CCM2L: variants seen among roughly 807,000 people sequenced by gnomAD.
CCM2L encodes cerebral cavernous malformations 2 protein-like.
CCM2L carries 36 observed loss-of-function variants against 54.1 expected under a neutral mutation model. The observed-to-expected ratio is 0.67, with a 90% CI of 0.51 to 0.88. The LOEUF (loss-of-function observed/expected upper bound fraction) is 0.88, where lower values mean the gene tolerates loss of function less well. CCM2L is among the 40% of genes least tolerant of loss of function. The pLI is 0.00. For synonymous variants in CCM2L, 351 were observed against 359.3 expected (o/e 0.98, Z 0.26); for missense variants, 700 against 812.1 (o/e 0.86, Z 1.68).
rs2064771909 is a variant in CCM2L, at chr20:32,019,040, G to T, written c.564G>T (p.Arg188=). 1.5e-6 allele frequency: 2 copies of T among 1,311,456 alleles called. No individual in the cohort carries two copies. Among genetic ancestry groups the T allele is most frequent in the East Asian group, 3.2e-5 (1 of 31,338 alleles). 81.2% of individuals were successfully genotyped at this position (1,311,456 alleles called of 1,614,324 possible). Residue 188 remains arginine (R), a synonymous_variant, in exon 5 of 10, where the codon CGG becomes CGT. Coordinates refer to ENST00000452892, the MANE Select transcript of CCM2L (RefSeq NM_001365692.1). The stretch of plus-strand genomic sequence containing the variant: ...CAGGCGGGGCGCCCGAGAAGCGGCG[G>T]GTGGGCACCGCGGAGCGGCGCCACA... ...GPPGGAPEKR[R]VGTAERRHTI... is the part of the protein sequence containing the mutation.
chr20:32,029,012 C>A lies in CCM2L; in HGVS notation c.1151C>A (p.Thr384Asn). 1 of 1,614,150 alleles carries A rather than the reference C, an allele frequency of 6.2e-7. No homozygotes were observed. The highest frequency in any genetic ancestry group is 1.7e-4 in the Middle Eastern group (1 of 6,060). The change falls in exon 8 of 10, where the codon ACC becomes AAC. Residue 384 changes from threonine to asparagine, a missense_variant. Transcript: ENST00000452892. ...CCSSFNGSQDTFEACYSGTST... is the reference protein window; with the variant it reads ...CCSSFNGSQDNFEACYSGTST... ...GCCTGCAGTAATGGCTCCCAGGACA[C>A]CTTTGAAGCATGTTACAGCGGCACG...
chr20:32,015,920 G>C (rs1037220721), intron 2 of CCM2L, among the ~76,000 whole-genome samples: 1 of 147,084 alleles, frequency 6.8e-6, no homozygotes, highest in African/African-American at 2.6e-5. Context: ...GCAGTGGCAC[G>C]ATCTTGGCTC....
At position 32,018,009 on chromosome 20, in the gene CCM2L, G is replaced by A; in HGVS notation, c.313G>A (p.Ala105Thr). The A allele has an allele frequency of 1.2e-6, 2 of 1,613,850 alleles. No individual in the cohort carries two copies. Among genetic ancestry groups the A allele is most frequent in the Non-Finnish European group, 1.7e-6 (2 of 1,179,984 alleles). The change falls in exon 4 of 10, where the codon GCG becomes ACG. Residue 105 changes from alanine (A) to threonine (T), a missense_variant. Coordinates refer to ENST00000452892, the MANE Select transcript of CCM2L (RefSeq NM_001365692.1). ...GAAGGAGCTGCCGCTGAAGACCACGGCGGAGCAGGACAGCATCCTGAGCCT... is the reference window on the plus strand; with the variant it reads ...GAAGGAGCTGCCGCTGAAGACCACGACGGAGCAGGACAGCATCCTGAGCCT... ...QLKELPLKTTAEQDSILSLSA... is the reference protein window; with the variant it reads ...QLKELPLKTTTEQDSILSLSA...
intron 2 of CCM2L, among the ~76,000 whole-genome samples, chr20:32,017,077 G>A (rs1487182417): frequency 1.3e-5 from 2 of 152,186 alleles, no homozygotes; most frequent in African/African-American, 4.8e-5. Context: ...GAACCCGGGA[G>A]GCAGAGCTTG....
chr20:32,030,939 C>G, intron 9 of CCM2L, 62 bp from the exon 10 acceptor site: 1 of 1,277,050 alleles, frequency 7.8e-7, no homozygotes, highest in Non-Finnish European at 1.0e-6. Flanking sequence ...AGAGAGGACG[C>G]TTCCCCTGTG....
At chr20:32,012,326 G>A (rs553256569) in intron 1 of CCM2L, among the ~76,000 whole-genome samples, 1 of 152,240 alleles carries the variant, frequency 6.6e-6, no homozygotes, top group East Asian at 1.9e-4. Context: ...GGGAGGCTGA[G>A]GCAGGAGGAT....
chr20:32,011,972 C>T (rs1364265958), intron 1 of CCM2L, among the ~76,000 whole-genome samples: 1 of 151,834 alleles, frequency 6.6e-6, no homozygotes, highest in Non-Finnish European at 1.5e-5. Flanking sequence ...ATATGTTCGT[C>T]TCATAATCTA....
At position 32,030,984 on chromosome 20, in the gene CCM2L, T is replaced by C. The variant is rs6061112; in HGVS notation, c.1403-17T>C. 0.18 allele frequency: 238,791 copies of C among 1,303,328 alleles called. 30,149 individuals are homozygous for C. Among genetic ancestry groups the C allele is most frequent in the African/African-American group, 0.64 (41,987 of 65,802 alleles). 80.7% of individuals were successfully genotyped at this position (1,303,328 alleles called of 1,614,324 possible). A position where few individuals can be genotyped will look rare whatever the true frequency, so the allele number is the denominator to read the frequency against. On this transcript the variant is annotated splice_polypyrimidine_tract_variant and intron_variant, in intron 9 of 9. Coordinates refer to ENST00000452892, the MANE Select transcript of CCM2L (RefSeq NM_001365692.1). ...GGGAACGTGTCCTGGGGACTCACCA[T>C]GCCCCTCGGCTCGCAGGGATGCGGC... is the stretch of plus-strand genomic sequence containing the variant.
chr20:32,031,287 C>T lies in CCM2L; in HGVS notation c.1689C>T (p.Ser563=). Residue 563 remains serine (S), a synonymous_variant, in exon 10 of 10, where the codon AGC becomes AGT. Transcript: ENST00000452892. ...AGCCCCGGGGCTCCAGGGGCGGGAGCGACGCCGCAGAAGACAACTACCTGT... is the reference window on the plus strand; with the variant it reads ...AGCCCCGGGGCTCCAGGGGCGGGAGTGACGCCGCAGAAGACAACTACCTGT... ...EDEPRGSRGG[S]DAAEDNYL is the part of the protein sequence containing the mutation. 1.6e-6 allele frequency: 2 copies of T among 1,288,566 alleles called. No individual in the cohort carries two copies. The allele number at this position is 1,288,566 out of a possible 1,614,324, so 79.8% of individuals were successfully genotyped here.
intron 5 of CCM2L, among the ~76,000 whole-genome samples, chr20:32,020,130 C>T (rs2064789454): frequency 6.6e-6 from 1 of 152,170 alleles, no homozygotes; most frequent in South Asian, 2.1e-4. Context: ...TGGTGTCCAC[C>T]CTTAGGGAGC....
At chr20:32,011,904 A>G (rs2064698376) in intron 1 of CCM2L, among the ~76,000 whole-genome samples, 1 of 151,198 alleles carries the variant, frequency 6.6e-6, no homozygotes, top group African/African-American at 2.4e-5. Flanking sequence ...ACCCCTCCCC[A>G]CCCCTAATAC....
chr20:32,019,094 G>A lies in CCM2L; in HGVS notation c.618G>A (p.Gly206=), dbSNP rs190244994. 34,349 of 1,188,414 alleles carry A rather than the reference G, an allele frequency of 0.029. 615 individuals carry two copies. The highest frequency in any genetic ancestry group is 0.085 in the Admixed American group (1,878 of 22,076). 73.6% of individuals were successfully genotyped at this position (1,188,414 alleles called of 1,614,324 possible). The change falls in exon 5 of 10, where the codon GGG becomes GGA. Residue 206 remains glycine (G), a synonymous_variant. Transcript: ENST00000452892. ...TCTGCAGCCTGGACTGGCGGATGGGGTGGGGTGGGGGCGCCGCGGAGGCCC... is the reference window on the plus strand; with the variant it reads ...TCTGCAGCCTGGACTGGCGGATGGGATGGGGTGGGGGCGCCGCGGAGGCCC... ...HTICSLDWRM[G]WGGGAAEARA...
chr20:32,014,950 GC>G lies in CCM2L; in HGVS notation c.79del (p.Arg27GlyfsTer8), dbSNP rs1568909850. ...IRRLVFPKAGRRAACRSSVSR... is the reference protein window; with the variant it reads ...IRRLVFPKAGXRAACRSSVSR... ...AGGCTGGTGTTCCCCAAGGCCGGGCGCCGGGCAGCCTGTAGGAGCAGCGTGA... is the reference window on the plus strand; with the variant it reads ...AGGCTGGTGTTCCCCAAGGCCGGGCGCGGGCAGCCTGTAGGAGCAGCGTGA... On this transcript the variant is annotated frameshift_variant, in exon 2 of 10. Transcript: ENST00000452892. LOFTEE classifies it high-confidence loss of function. The G allele has an allele frequency of 6.2e-7, 1 of 1,600,966 alleles. No homozygotes were observed. Among genetic ancestry groups the G allele is most frequent in the African/African-American group, 1.4e-5 (1 of 73,684 alleles).
rs755993290 is a variant in CCM2L, at chr20:32,012,016, G to A, written c.30+1532G>A. 1.3e-5 allele frequency among the ~76,000 whole-genome samples: 2 copies of A among 151,474 alleles called. 1 individual carries two copies. Among genetic ancestry groups the A allele is most frequent in the South Asian group, 4.2e-4 (2 of 4,774 alleles). ...AGACTGACTGCACACAGCTTCTCCA[G>A]GCTCACCCTCATCCAGCCTTTGAGG... On this transcript the variant is annotated intron_variant, in intron 1 of 9. Transcript: ENST00000452892.
rs749268099 is a variant in CCM2L, at chr20:32,019,232, A to AGGC, written c.776_778dup (p.Gly259dup). 260 of 1,153,804 alleles carry AGGC rather than the reference A, an allele frequency of 2.3e-4. 1 individual carries two copies. The highest frequency in any genetic ancestry group is 3.3e-4 in the Middle Eastern group (1 of 3,008). The allele number at this position is 1,153,804 out of a possible 1,614,324, so 71.5% of individuals were successfully genotyped here. A position where few individuals can be genotyped will look rare whatever the true frequency, so the allele number is the denominator to read the frequency against. On this transcript the variant is annotated inframe_insertion, in exon 5 of 10. Coordinates refer to ENST00000452892, the MANE Select transcript of CCM2L (RefSeq NM_001365692.1). ...GCGGCAGCTGGGAGCGGCGGCACGG[A>AGGC]GGCGGCGGCGGCGGCGGCGGCGCGG...
chr20:32,015,071 G>A lies in CCM2L; in HGVS notation c.198G>A (p.Lys66=). ...LLCDYLEKEV[K]FLGHLTWVTS... is the part of the protein sequence containing the mutation. ...GTGACTACCTGGAGAAAGAGGTCAA[G>A]GTGCGTGCAGGATGAGAAGGGGTGG... The change falls in exon 2 of 10, where the codon AAG becomes AAA. Residue 66 remains lysine (K), a splice_region_variant and synonymous_variant. Coordinates refer to ENST00000452892, the MANE Select transcript of CCM2L (RefSeq NM_001365692.1). The A allele has an allele frequency of 6.7e-7, 1 of 1,502,010 alleles. No individual in the cohort carries two copies. The highest frequency in any genetic ancestry group is 8.9e-7 in the Non-Finnish European group (1 of 1,128,340). 93.0% of individuals were successfully genotyped at this position (1,502,010 alleles called of 1,614,324 possible).
intron 2 of CCM2L, among the ~76,000 whole-genome samples, chr20:32,015,502 T>G (rs1245774849): frequency 6.6e-6 from 1 of 152,222 alleles, no homozygotes; most frequent in Non-Finnish European, 1.5e-5. Context: ...GAGGATTACA[T>G]AATTGTTTTG....
At chr20:32,017,020 T>C (rs6061101) in intron 2 of CCM2L, among the ~76,000 whole-genome samples, 62,353 of 151,742 alleles carry the variant, frequency 0.41, 14,795 homozygotes, top group African/African-American at 0.66. Context: ...TGGTGGCACG[T>C]GCCTGTAATC....
intron 1 of CCM2L, among the ~76,000 whole-genome samples, chr20:32,014,427 G>A (rs1439411943): frequency 6.6e-6 from 1 of 151,872 alleles, no homozygotes; most frequent in Non-Finnish European, 1.5e-5. Context: ...CACAACGCCT[G>A]ACAAATTTTT....
Sources: gnomAD v4.1 joint callset for allele counts (sites outside exome capture counted in the v4.1 genomes callset) on GRCh38, gnomAD v4.1.1 for gene constraint, MANE v1.5 for transcripts, NCBI Gene and HGNC (gene_info 2026-07-23, HGNC 2026-07-21) for gene names.